SMIM12: variants seen among roughly 807,000 people sequenced by gnomAD.
SMIM12 encodes small integral membrane protein 12.
SMIM12 carries 5 observed loss-of-function variants against 6.3 expected under a neutral mutation model. That is an observed-to-expected ratio of 0.80 (90% CI 0.42 to 1.68). SMIM12 has a LOEUF of 1.68. Among genes scored for constraint, SMIM12 ranks in the 40% most tolerant of loss-of-function variants. The pLI, the probability that SMIM12 is intolerant of heterozygous loss-of-function variation, is 0.02. For synonymous variants in SMIM12, 51 were observed against 48.0 expected, an observed-to-expected ratio of 1.06 and a Z score of -0.26; for missense variants, 103 against 121.4, an observed-to-expected ratio of 0.85 and a Z score of 0.71.
chr1:34,855,353 C>A lies in SMIM12; in HGVS notation c.*346G>T. ...ATGCAGGTATCCCTCCTAAAGGCAA[C>A]GCCCAAATCCCAGCCATTCCCACTA... is the stretch of plus-strand genomic sequence containing the variant. On this transcript the variant is annotated 3_prime_UTR_variant, in exon 2 of 2. Transcript: ENST00000521580. The A allele has an allele frequency of 2.8e-6, 4 of 1,433,734 alleles. No homozygotes were observed. Among genetic ancestry groups the A allele is most frequent in the Non-Finnish European group, 3.8e-6 (4 of 1,065,306 alleles). The allele number at this position is 1,433,734 out of a possible 1,614,324, so 88.8% of individuals were successfully genotyped here.
intron 1 of SMIM12, among the ~76,000 whole-genome samples, 176 bp from the exon 2 acceptor site, chr1:34,856,158 G>A (rs956222762): frequency 2.7e-5 from 4 of 146,978 alleles, no homozygotes; most frequent in Admixed American, 6.9e-5. Flanking sequence ...TCAGCTCACC[G>A]CACCCTCCAC....
intron 1 of SMIM12, chr1:34,859,361 G>C (rs1638750234): frequency 6.6e-6 from 1 of 152,316 alleles, no homozygotes; most frequent in Admixed American, 6.5e-5. Flanking sequence ...CTAGAGCGCA[G>C]TCCAGGAATG....
At chr1:34,856,923 G>A (rs947141761) in intron 1 of SMIM12, among the ~76,000 whole-genome samples, 1 of 151,904 alleles carries the variant, frequency 6.6e-6, no homozygotes, top group Non-Finnish European at 1.5e-5. Context: ...TCCTATCTTG[G>A]CTAAAGACGG....
At position 34,854,616 on chromosome 1, in the gene SMIM12, T is replaced by C. The variant is rs906648634; in HGVS notation, c.*1083A>G. On this transcript the variant is annotated 3_prime_UTR_variant, in exon 2 of 2. Transcript: ENST00000521580. ...ATGTAAAATGGGAAAATGATAATAG[T>C]GAGAAAAGTATATAAAATTAAATGT... The C allele has an allele frequency of 5.9e-5, 9 of 152,388 alleles. No homozygotes were observed. The highest frequency in any genetic ancestry group is 2.2e-4 in the African/African-American group (9 of 41,424). The allele number at this position is 152,388 out of a possible 1,614,324, so 9.4% of individuals were successfully genotyped here. A position where few individuals can be genotyped will look rare whatever the true frequency, so the allele number is the denominator to read the frequency against.
rs898164579 is a variant in SMIM12 at position 34,855,773 on chromosome 1, C to T, written c.205G>A (p.Val69Met). Residue 69 changes from valine (V) to methionine (M), a missense_variant, in exon 2 of 2, where the codon GTG (valine) becomes ATG (methionine). Val to Met is a conservative substitution (Grantham distance 21, BLOSUM62 1). Coordinates refer to ENST00000521580, the MANE Select transcript of SMIM12 (RefSeq NM_138428.6). Reference sequence around the variant, plus strand: ...TCTAGCTTGTCCTTAAGGCTCACCACCTGCGTGTGGTCCTTGCCTAGAAGC... The same window carrying T: ...TCTAGCTTGTCCTTAAGGCTCACCATCTGCGTGTGGTCCTTGCCTAGAAGC... ...DELLGKDHTQ[V>M]VSLKDKLEFA... 6.4e-7 allele frequency: 1 copy of T among 1,568,742 alleles called. No individual in the cohort carries two copies. Among genetic ancestry groups the T allele is most frequent in the African/African-American group, 1.4e-5 (1 of 73,722 alleles).
Position 34,855,871 on chromosome 1 carries a change from CT to C in SMIM12, c.106del (p.Arg36GlyfsTer27). 1.3e-6 allele frequency: 2 copies of C among 1,551,702 alleles called. No individual in the cohort carries two copies. Among genetic ancestry groups the C allele is most frequent in the Non-Finnish European group, 1.7e-6 (2 of 1,147,004 alleles). The part of the protein sequence containing the change: ...AVGYHLEWFI[R>X]GKDPQPVEEE... ...CTCCACGGGCTGGGGGTCCTTTCCC[CT>C]GATGAACCATTCCAGGTGGTAACCC... On this transcript the variant is annotated frameshift_variant, in exon 2 of 2. Transcript: ENST00000521580. LOFTEE classifies it high-confidence loss of function.
In SMIM12 at chr1:34,854,866, TG is replaced by T; in HGVS notation, c.*832del. 4.3e-6 allele frequency: 1 copy of T among 233,116 alleles called. No individual in the cohort carries two copies. The highest frequency in any genetic ancestry group is 8.4e-6 in the Non-Finnish European group (1 of 119,402). The allele number at this position is 233,116 out of a possible 1,614,324, so 14.4% of individuals were successfully genotyped here. A position where few individuals can be genotyped will look rare whatever the true frequency, so the allele number is the denominator to read the frequency against. ...AAGGTGCTGCAGCCAATTGTAATAA[TG>T]GTAAAAAGGTTCCTGGGAATCTGTG... On this transcript the variant is annotated 3_prime_UTR_variant, in exon 2 of 2. Transcript: ENST00000521580.
At chr1:34,858,468 A>G (rs1297991624) in intron 1 of SMIM12, 1 of 152,230 alleles carries the variant, frequency 6.6e-6, no homozygotes, top group African/African-American at 2.4e-5. Context: ...CTGGCATTTC[A>G]TTACCTAGAA....
chr1:34,852,463 CA>C lies in SMIM12; in HGVS notation c.*3235del, dbSNP rs34535449. On this transcript the variant is annotated 3_prime_UTR_variant, in exon 2 of 2. Transcript: ENST00000521580. Reference sequence around the variant, plus strand: ...TATTTGTAACAAGTTGTTAGATCGCCAAAAAAAAAAAAAAAAAAAAAACCAT... The same window carrying C: ...TATTTGTAACAAGTTGTTAGATCGCCAAAAAAAAAAAAAAAAAAAAACCAT... Among the ~76,000 whole-genome samples the C allele has an allele frequency of 3.7e-4, 30 of 81,776 alleles. No individual in the cohort carries two copies. The highest frequency in any genetic ancestry group is 9.7e-4 in the African/African-American group (23 of 23,704). The allele number at this position is 81,776 out of a possible 152,430, so 53.6% of individuals were successfully genotyped here. A position where few individuals can be genotyped will look rare whatever the true frequency, so the allele number is the denominator to read the frequency against.
chr1:34,852,852 G>A lies in SMIM12; in HGVS notation c.*2847C>T, dbSNP rs1236475292. The A allele has an allele frequency of 1.3e-5, 2 of 152,394 alleles. No individual in the cohort carries two copies. Among genetic ancestry groups the A allele is most frequent in the East Asian group, 3.9e-4 (2 of 5,190 alleles). The allele number at this position is 152,394 out of a possible 1,614,324, so 9.4% of individuals were successfully genotyped here. ...TGACCTCTGTCAGCACTAGTGTTTG[G>A]TTTAGCCCAGGGAAGTGACTGCAGG... On this transcript the variant is annotated 3_prime_UTR_variant, in exon 2 of 2. Transcript: ENST00000521580.
chr1:34,859,094 T>G (rs1571615630), intron 1 of SMIM12: 1 of 152,304 alleles, frequency 6.6e-6, no homozygotes, highest in Admixed American at 6.5e-5. Context: ...AAAGACTCCA[T>G]CATAGTCGTC....
rs1640952929 is a variant in SMIM12, at chr1:34,852,292, G to A, written c.*3407C>T. ...GGGTGGTGACAGGGATATTTTAAAA[G>A]ATCTGAAAATCCAAAAATGTCCATG... On this transcript the variant is annotated 3_prime_UTR_variant, in exon 2 of 2. Transcript: ENST00000521580. 6.6e-6 allele frequency among the ~76,000 whole-genome samples: 1 copy of A among 152,098 alleles called. No homozygotes were observed.
In SMIM12 at chr1:34,855,785, C is replaced by G. The variant is rs768043140; in HGVS notation, c.193G>C (p.Asp65His). 9.6e-6 allele frequency: 15 copies of G among 1,561,206 alleles called. No individual in the cohort carries two copies. The highest frequency in any genetic ancestry group is 1.3e-5 in the Non-Finnish European group (15 of 1,152,204). ...DRKLDELLGK[D>H]HTQVVSLKDK... ...TTAAGGCTCACCACCTGCGTGTGGTCCTTGCCTAGAAGCTCATCCAGCTTG... is the reference window on the plus strand; with the variant it reads ...TTAAGGCTCACCACCTGCGTGTGGTGCTTGCCTAGAAGCTCATCCAGCTTG... Residue 65 changes from aspartate (D) to histidine (H), a missense_variant, in exon 2 of 2, where the codon GAC becomes CAC. Coordinates refer to ENST00000521580, the MANE Select transcript of SMIM12 (RefSeq NM_138428.6).
chr1:34,855,359 A>C lies in SMIM12; in HGVS notation c.*340T>G, dbSNP rs1016587119. The C allele has an allele frequency of 6.9e-7, 1 of 1,444,222 alleles. No homozygotes were observed. Among genetic ancestry groups the C allele is most frequent in the African/African-American group, 1.4e-5 (1 of 70,754 alleles). The allele number at this position is 1,444,222 out of a possible 1,614,324, so 89.5% of individuals were successfully genotyped here. A position where few individuals can be genotyped will look rare whatever the true frequency, so the allele number is the denominator to read the frequency against. ...GTATCCCTCCTAAAGGCAACGCCCA[A>C]ATCCCAGCCATTCCCACTAGAGGCC... On this transcript the variant is annotated 3_prime_UTR_variant, in exon 2 of 2. Coordinates refer to ENST00000521580, the MANE Select transcript of SMIM12 (RefSeq NM_138428.6).
rs568656036 is a variant in SMIM12, at chr1:34,855,863, C to T, written c.115G>A (p.Asp39Asn). The part of the protein sequence containing the change: ...YHLEWFIRGK[D>N]PQPVEEEKSI... ...TTTTCCTCCTCCACGGGCTGGGGGT[C>T]CTTTCCCCTGATGAACCATTCCAGG... The change falls in exon 2 of 2, where the codon GAC becomes AAC. Residue 39 changes from aspartate (D) to asparagine (N), a missense_variant. Physicochemically the swap from Asp to Asn is conservative, Grantham distance 23. Transcript: ENST00000521580. 1 of 1,551,728 alleles carries T rather than the reference C, an allele frequency of 6.4e-7. No homozygotes were observed. The highest frequency in any genetic ancestry group is 1.4e-5 in the African/African-American group (1 of 73,170).
In SMIM12 at chr1:34,853,974, C is replaced by T. The variant is rs1377785451; in HGVS notation, c.*1725G>A. The stretch of plus-strand genomic sequence containing the variant: ...CTCCAGCCTGGGCAATACAGCGAGA[C>T]TCCATATTTAAAACAACAACAACAA... On this transcript the variant is annotated 3_prime_UTR_variant, in exon 2 of 2. Transcript: ENST00000521580. 4.8e-5 allele frequency: 6 copies of T among 126,146 alleles called. No homozygotes were observed. Among genetic ancestry groups the T allele is most frequent in the African/African-American group, 1.8e-4 (6 of 33,514 alleles). The allele number at this position is 126,146 out of a possible 1,614,324, so 7.8% of individuals were successfully genotyped here. A position where few individuals can be genotyped will look rare whatever the true frequency, so the allele number is the denominator to read the frequency against.
Position 34,855,302 on chromosome 1 carries a change from C to A in SMIM12, c.*397G>T, listed in dbSNP as rs370159806. ...AGGGAGCCAGGTGCATATTTGAATTCTTTCCAGTGCAGACTGGAACTAGAC... is the reference window on the plus strand; with the variant it reads ...AGGGAGCCAGGTGCATATTTGAATTATTTCCAGTGCAGACTGGAACTAGAC... On this transcript the variant is annotated 3_prime_UTR_variant, in exon 2 of 2. Transcript: ENST00000521580. 7.2e-7 allele frequency: 1 copy of A among 1,384,502 alleles called. No individual in the cohort carries two copies. Among genetic ancestry groups the A allele is most frequent in the Non-Finnish European group, 9.7e-7 (1 of 1,033,508 alleles). 85.8% of individuals were successfully genotyped at this position (1,384,502 alleles called of 1,614,324 possible).
At chr1:34,857,357 T>A (rs1638687504) in intron 1 of SMIM12, 1 of 152,180 alleles carries the variant, frequency 6.6e-6, no homozygotes, top group African/African-American at 2.4e-5. Flanking sequence ...ATCACTCTAA[T>A]GGCCAATTCC....
chr1:34,857,278 G>A (rs1202501202), intron 1 of SMIM12: 1 of 152,090 alleles, frequency 6.6e-6, no homozygotes, highest in African/African-American at 2.4e-5. Context: ...GGAGCGGAGT[G>A]GAATGGCCTC....
Sources: gnomAD v4.1 joint callset for allele counts (sites outside exome capture counted in the v4.1 genomes callset) on GRCh38, gnomAD v4.1.1 for gene constraint, MANE v1.5 for transcripts, NCBI Gene and HGNC (gene_info 2026-07-23, HGNC 2026-07-21) for gene names.